ARL13B: variants seen among roughly 807,000 people sequenced by gnomAD.
The protein encoded by ARL13B is ADP-ribosylation factor-like protein 13B.
A neutral mutation model predicts 56.1 loss-of-function variants in ARL13B; 36 were observed. That is an observed-to-expected ratio of 0.64 (90% confidence interval 0.49 to 0.85). ARL13B has a LOEUF of 0.85. Among genes scored for constraint, ARL13B ranks in the 40% least tolerant of loss-of-function variants. ARL13B has a pLI of 0.00. For synonymous variants in ARL13B, 178 were observed against 171.1 expected, an observed-to-expected ratio of 1.04 and a Z score of -0.32; for missense variants, 519 against 507.1, an observed-to-expected ratio of 1.02 and a Z score of -0.23.
chr3:94,030,854 A>G (rs1351659364), intron 3 of ARL13B, among the ~76,000 whole-genome samples: 1 of 152,138 alleles, frequency 6.6e-6, no homozygotes, highest in Non-Finnish European at 1.5e-5. Flanking sequence ...TAGAAACTGT[A>G]GTTTTCAGCA....
intron 2 of ARL13B, among the ~76,000 whole-genome samples, chr3:93,998,212 C>T (rs1402988129): frequency 2.6e-5 from 4 of 152,154 alleles, no homozygotes; most frequent in African/African-American, 7.2e-5. Context: ...TTCTTCTAAC[C>T]TTCTTTTATC....
intron 3 of ARL13B, among the ~76,000 whole-genome samples, chr3:94,033,695 C>CT (rs1316421966): frequency 6.6e-6 from 1 of 152,142 alleles, no homozygotes; most frequent in East Asian, 1.9e-4. Flanking sequence ...ATGGATCAGG[C>CT]TAAATGTAAA....
chr3:94,044,882 C>T (rs1023825877), intron 7 of ARL13B, among the ~76,000 whole-genome samples: 4 of 150,224 alleles, frequency 2.7e-5, no homozygotes, highest in East Asian at 2.0e-4. Flanking sequence ...GCCCGCCCCT[C>T]GTCGGGGAGG....
At chr3:93,992,488 C>T (rs1233536401) in intron 1 of ARL13B, among the ~76,000 whole-genome samples, 1 of 152,164 alleles carries the variant, frequency 6.6e-6, no homozygotes, top group East Asian at 1.9e-4. Context: ...GTAATTACCT[C>T]TCCAGTGCCT....
At chr3:94,002,918 A>G (rs1575954842) in intron 2 of ARL13B, among the ~76,000 whole-genome samples, 1 of 152,094 alleles carries the variant, frequency 6.6e-6, no homozygotes, top group Non-Finnish European at 1.5e-5. Flanking sequence ...TAAATCCTAT[A>G]CAGCTTTAAG....
rs1314294376 is a variant in ARL13B at position 94,014,524 on chromosome 3, T to G, written c.380+10616T>G. On this transcript the variant is annotated intron_variant, in intron 3 of 9. Transcript: ENST00000394222. ...TGTACTATTCACTGTCATTTCAATATTGTTGATGCTCTCTCCTTGTTCCTC... is the reference window on the plus strand; with the variant it reads ...TGTACTATTCACTGTCATTTCAATAGTGTTGATGCTCTCTCCTTGTTCCTC... The G allele has an allele frequency of 2.5e-6, 4 of 1,612,742 alleles. No homozygotes were observed. In the African/African-American group the frequency reaches 5.3e-5, roughly 22 times the overall value.
intron 3 of ARL13B, among the ~76,000 whole-genome samples, chr3:94,013,493 G>A (rs563472697): frequency 6.6e-6 from 1 of 152,262 alleles, no homozygotes; most frequent in Non-Finnish European, 1.5e-5. Context: ...GTAATACATT[G>A]CCCTGTATGG....
chr3:94,031,958 T>C (rs1351970084), intron 3 of ARL13B, among the ~76,000 whole-genome samples: 1 of 152,120 alleles, frequency 6.6e-6, no homozygotes, highest in East Asian at 1.9e-4. Context: ...ATGTAAGACC[T>C]GAAAAATACT....
At position 94,053,691 on chromosome 3, in the gene ARL13B, CA is replaced by C. The variant is rs2077101544; in HGVS notation, c.*432del. ...AGGGGGACTTCTAGGAATTTATAAC[CA>C]AAATTTTAAAACTATTTTTATATTT... On this transcript the variant is annotated 3_prime_UTR_variant, in exon 10 of 10. Transcript: ENST00000394222. 3.3e-6 allele frequency: 1 copy of C among 306,402 alleles called. No individual in the cohort carries two copies. Among genetic ancestry groups the C allele is most frequent in the African/African-American group, 2.2e-5 (1 of 44,476 alleles). 19.0% of individuals were successfully genotyped at this position (306,402 alleles called of 1,614,324 possible). A position where few individuals can be genotyped will look rare whatever the true frequency, so the allele number is the denominator to read the frequency against.
chr3:93,985,227 A>G (rs1386702403), intron 1 of ARL13B, among the ~76,000 whole-genome samples: 1 of 152,204 alleles, frequency 6.6e-6, no homozygotes, highest in South Asian at 2.1e-4. Context: ...CATCCTGAGT[A>G]CAGGACACAA....
chr3:94,022,243 A>T (rs1410990456), intron 3 of ARL13B, among the ~76,000 whole-genome samples: 2 of 152,066 alleles, frequency 1.3e-5, no homozygotes, highest in Non-Finnish European at 2.9e-5. Context: ...TCCTTGCCTC[A>T]GCCTCCTGAG....
At chr3:94,013,771 C>T (rs567911561) in intron 3 of ARL13B, among the ~76,000 whole-genome samples, 2 of 152,236 alleles carry the variant, frequency 1.3e-5, no homozygotes, top group East Asian at 3.9e-4. Flanking sequence ...CATAGCAAAA[C>T]CACCCCCTCT....
intron 3 of ARL13B, among the ~76,000 whole-genome samples, chr3:94,032,867 A>G (rs905954226): frequency 6.6e-6 from 1 of 152,226 alleles, no homozygotes; most frequent in Non-Finnish European, 1.5e-5. Context: ...CTGGGTACCT[A>G]TCCAAAGGAA....
At chr3:94,014,303 G>T in intron 3 of ARL13B, 2 of 1,190,132 alleles carry the variant, frequency 1.7e-6, no homozygotes, top group Non-Finnish European at 2.3e-6. Context: ...GTGGATCCAT[G>T]AGATGGAGAA....
At chr3:94,031,273 A>G (rs536493908) in intron 3 of ARL13B, among the ~76,000 whole-genome samples, 6 of 152,208 alleles carry the variant, frequency 3.9e-5, no homozygotes, top group African/African-American at 1.2e-4. Flanking sequence ...ACACGAATAC[A>G]TGGTTAGATT....
intron 5 of ARL13B, among the ~76,000 whole-genome samples, chr3:94,037,029 A>T (rs1482796328): frequency 3.9e-5 from 6 of 152,052 alleles, no homozygotes; most frequent in African/African-American, 7.2e-5. Context: ...TGGGTACCTT[A>T]GTGCAGTGGT....
chr3:94,045,447 T>TAAAAAAAAAAAAAAAAA (rs1047984463), intron 7 of ARL13B, among the ~76,000 whole-genome samples: 3 of 73,566 alleles, frequency 4.1e-5, no homozygotes, highest in Non-Finnish European at 8.8e-5. Context: ...CAATAAATAC[T>TAAAAAAAAAAAAAAAAA]AAAAAAAAAA....
chr3:94,019,470 C>T (rs567578976), intron 3 of ARL13B, among the ~76,000 whole-genome samples: 2 of 152,166 alleles, frequency 1.3e-5, no homozygotes, highest in African/African-American at 4.8e-5. Context: ...GCTGGGATTA[C>T]AGGCATGAGC....
intron 1 of ARL13B, among the ~76,000 whole-genome samples, chr3:93,993,501 G>A (rs1184915426): frequency 6.6e-6 from 1 of 152,144 alleles, no homozygotes; most frequent in African/African-American, 2.4e-5. Flanking sequence ...GCTCACTACA[G>A]CCTTGACCTG....
Sources: allele counts gnomAD v4.1 joint callset (sites outside exome capture counted in the v4.1 genomes callset), GRCh38; gene constraint gnomAD v4.1.1; transcripts MANE v1.5; gene names NCBI Gene and HGNC (gene_info 2026-07-23, HGNC 2026-07-21).